Variants in IGF2BP3 observed in about 807,000 individuals in gnomAD.
IGF2BP3 encodes insulin-like growth factor 2 mRNA-binding protein 3.
A neutral mutation model predicts 73.8 loss-of-function variants in IGF2BP3; 9 were observed. The ratio of observed to expected loss-of-function variants is 0.12; its 90% CI spans 0.07 to 0.21. The LOEUF is 0.21. IGF2BP3 is among the 10% of genes least tolerant of loss of function. The probability of loss-of-function intolerance (pLI) is 1.00; values close to 1 mark genes in which losing one functional copy is unlikely to be tolerated. For missense variants in IGF2BP3, 542 were observed against 714.0 expected (o/e 0.76, Z 2.75); for synonymous variants, 258 against 256.7 (o/e 1.01, Z -0.05).
chr7:23,337,406 G>C (rs1012350163), intron 10 of IGF2BP3, among the ~76,000 whole-genome samples: 1 of 152,214 alleles, frequency 6.6e-6, no homozygotes, highest in Admixed American at 6.5e-5. Flanking sequence ...TCTGCTTTTT[G>C]AGAGAACTTA....
chr7:23,340,868 C>T (rs62468197), intron 10 of IGF2BP3, among the ~76,000 whole-genome samples: 70 of 143,940 alleles, frequency 4.9e-4, no homozygotes, highest in African/African-American at 1.9e-3. Context: ...TTTTTTTTCC[C>T]AGACAGAGTT....
intron 2 of IGF2BP3, among the ~76,000 whole-genome samples, chr7:23,438,261 C>T (rs999321726): frequency 6.6e-6 from 1 of 152,132 alleles, no homozygotes; most frequent in African/African-American, 2.4e-5. Context: ...TTACAGGCAC[C>T]CACCACCATG....
Position 23,315,134 on chromosome 7 carries a change from A to T in IGF2BP3, c.1396-1481T>A, listed in dbSNP as rs375789206. ...TTATTTTTTTTTATTTTTTTATTTT[A>T]TTTTTTTTAGAGACAGAGTCTCTTT... On this transcript the variant is annotated intron_variant, in intron 12 of 14. Transcript: ENST00000258729. Among the ~76,000 whole-genome samples, 392 of 143,508 alleles carry T rather than the reference A, an allele frequency of 2.7e-3. 2 individuals carry two copies. The highest frequency in any genetic ancestry group is 0.01 in the African/African-American group (371 of 36,154). 94.1% of individuals were successfully genotyped at this position (143,508 alleles called of 152,430 possible).
rs1320066258 is a variant in IGF2BP3 at position 23,311,673 on chromosome 7, G to C, written c.*689C>G. The C allele has an allele frequency of 2.0e-5, 3 of 152,434 alleles. No homozygotes were observed. The highest frequency in any genetic ancestry group is 2.9e-5 in the Non-Finnish European group (2 of 68,014). 9.4% of individuals were successfully genotyped at this position (152,434 alleles called of 1,614,324 possible). ...AGTAAAAATCTTAATTTGCCTGTTA[G>C]CTGATTGCTGTTAAATTTTAAATTT... On this transcript the variant is annotated 3_prime_UTR_variant, in exon 15 of 15. Transcript: ENST00000258729.
chr7:23,377,931 C>T (rs2128515277), intron 3 of IGF2BP3, among the ~76,000 whole-genome samples: 1 of 152,190 alleles, frequency 6.6e-6, no homozygotes, highest in African/African-American at 2.4e-5. Context: ...TTAGTGGTTT[C>T]TAGGGCCTGG....
intron 3 of IGF2BP3, among the ~76,000 whole-genome samples, chr7:23,401,908 G>C (rs1480986168): frequency 6.6e-6 from 1 of 152,128 alleles, no homozygotes; most frequent in African/African-American, 2.4e-5. Flanking sequence ...CTTGAGGTCA[G>C]GAATTCAAGA....
At chr7:23,460,256 A>G (rs1788417973) in intron 2 of IGF2BP3, among the ~76,000 whole-genome samples, 1 of 151,296 alleles carries the variant, frequency 6.6e-6, no homozygotes, top group African/African-American at 2.4e-5. Flanking sequence ...GAGTAGATCA[A>G]CTGGCCAGGA....
At chr7:23,327,731 T>C (rs1300263448) in intron 10 of IGF2BP3, among the ~76,000 whole-genome samples, 1 of 152,034 alleles carries the variant, frequency 6.6e-6, no homozygotes, top group Non-Finnish European at 1.5e-5. Flanking sequence ...CTTTACTAGA[T>C]GTAGAAACCA....
At chr7:23,406,866 T>C (rs1012567132) in intron 3 of IGF2BP3, among the ~76,000 whole-genome samples, 2 of 152,200 alleles carry the variant, frequency 1.3e-5, no homozygotes, top group African/African-American at 4.8e-5. Context: ...AACTGAGTGC[T>C]GACTGGTGTG....
chr7:23,312,780 A>G lies in IGF2BP3; in HGVS notation c.1596T>C (p.Asn532=). ...VVPRDQTPDE[N]DQVVVKITGH... is the part of the protein sequence containing the mutation. ...CAGTTATTTTGACAACCACTTGGTC[A>G]TTCTCATCAGGTGTCTGGTCACGAG... The change falls in exon 14 of 15, where the codon AAT becomes AAC. Residue 532 remains asparagine (N), a synonymous_variant. Coordinates refer to ENST00000258729, the MANE Select transcript of IGF2BP3 (RefSeq NM_006547.3). The G allele has an allele frequency of 6.2e-7, 1 of 1,612,720 alleles. No homozygotes were observed. Among genetic ancestry groups the G allele is most frequent in the Non-Finnish European group, 8.5e-7 (1 of 1,179,730 alleles).
intron 10 of IGF2BP3, among the ~76,000 whole-genome samples, chr7:23,331,862 A>G (rs919125711): frequency 9.3e-5 from 14 of 151,302 alleles, no homozygotes; most frequent in Non-Finnish European, 1.9e-4. Flanking sequence ...TGTCTCAGAA[A>G]AAAAAAAAAA....
chr7:23,391,125 A>T (rs1450727848), intron 3 of IGF2BP3, among the ~76,000 whole-genome samples: 1 of 114,664 alleles, frequency 8.7e-6, no homozygotes. Context: ...TTTAAGACAG[A>T]TTCTTACTCT....
intron 3 of IGF2BP3, chr7:23,414,822 A>C (rs1393026993): frequency 5.7e-6 from 1 of 175,634 alleles, no homozygotes; most frequent in Non-Finnish European, 1.2e-5. Context: ...CCACACCCAC[A>C]GGTCCCGTCC....
At chr7:23,387,115 A>AGGTT (rs933289590) in intron 3 of IGF2BP3, among the ~76,000 whole-genome samples, 1 of 151,962 alleles carries the variant, frequency 6.6e-6, no homozygotes, top group Non-Finnish European at 1.5e-5. Flanking sequence ...GAAGGTAGGT[A>AGGTT]GGTTGGTTGG....
chr7:23,422,294 T>A (rs1415089769), intron 2 of IGF2BP3, among the ~76,000 whole-genome samples: 2 of 152,190 alleles, frequency 1.3e-5, no homozygotes, highest in Non-Finnish European at 2.9e-5. Flanking sequence ...ACAAAGAGGA[T>A]ACTATCTTTT....
intron 2 of IGF2BP3, among the ~76,000 whole-genome samples, chr7:23,452,130 G>A (rs781033408): frequency 2.0e-5 from 3 of 151,718 alleles, no homozygotes; most frequent in East Asian, 3.9e-4. Flanking sequence ...TCAGCCTCCT[G>A]AGTAGCTGGG....
intron 2 of IGF2BP3, among the ~76,000 whole-genome samples, chr7:23,445,461 T>A (rs1451339876): frequency 6.6e-6 from 1 of 152,064 alleles, no homozygotes; most frequent in Admixed American, 6.6e-5. Context: ...TAAGTATTAC[T>A]TAGTTCCTAC....
intron 3 of IGF2BP3, among the ~76,000 whole-genome samples, chr7:23,364,653 G>A (rs992798018): frequency 2.0e-5 from 3 of 150,828 alleles, no homozygotes; most frequent in South Asian, 2.1e-4. Flanking sequence ...TTTTCAATAC[G>A]AAAAATGTTT....
intron 10 of IGF2BP3, among the ~76,000 whole-genome samples, chr7:23,338,086 G>C (rs1784618242): frequency 6.6e-6 from 1 of 152,030 alleles, no homozygotes; most frequent in Non-Finnish European, 1.5e-5. Context: ...TGCCAAAATA[G>C]AGTTAGAAGG....
Sources: allele counts gnomAD v4.1 joint callset (sites outside exome capture counted in the v4.1 genomes callset), GRCh38; gene constraint gnomAD v4.1.1; transcripts MANE v1.5; gene names NCBI Gene and HGNC (gene_info 2026-07-23, HGNC 2026-07-21).